Variants in ADGB observed in about 807,000 individuals in gnomAD.
ADGB encodes calpain-7-like protein.
In ADGB, 172 loss-of-function variants were observed where a neutral mutation model predicts 210.5. That is an observed-to-expected ratio of 0.82 (90% confidence interval 0.72 to 0.93). The LOEUF is 0.93. Ranked by LOEUF, ADGB falls within the 40% of genes least tolerant of loss-of-function variation. The pLI, the probability that ADGB is intolerant of heterozygous loss-of-function variation, is 0.00. For synonymous variants in ADGB, 658 were observed against 662.7 expected, an observed-to-expected ratio of 0.99 and a Z score of 0.11; for missense variants, 2,025 against 1,964.8, an observed-to-expected ratio of 1.03 and a Z score of -0.58.
chr6:146,754,753 T>A (rs143427470), intron 27 of ADGB, among the ~76,000 whole-genome samples: 1 of 152,138 alleles, frequency 6.6e-6, no homozygotes, highest in East Asian at 1.9e-4. Flanking sequence ...TTTTCTACTT[T>A]GAGGATTTGA....
intron 23 of ADGB, among the ~76,000 whole-genome samples, chr6:146,738,213 A>G (rs1020852601): frequency 2.0e-5 from 3 of 152,154 alleles, no homozygotes; most frequent in African/African-American, 7.2e-5. Flanking sequence ...TAGACAGGAA[A>G]AGTACTTAGC....
intron 1 of ADGB, among the ~76,000 whole-genome samples, chr6:146,625,395 T>G (rs1252596927): frequency 6.6e-6 from 1 of 152,154 alleles, no homozygotes; most frequent in Non-Finnish European, 1.5e-5. Flanking sequence ...AGTGTTAACA[T>G]GGCATATATT....
At chr6:146,640,035 AAAG>A (rs1775484222) in intron 2 of ADGB, among the ~76,000 whole-genome samples, 1 of 151,976 alleles carries the variant, frequency 6.6e-6, no homozygotes, top group Non-Finnish European at 1.5e-5. Context: ...CAAAGAAAAG[AAAG>A]AATATCCAAA....
intron 20 of ADGB, among the ~76,000 whole-genome samples, chr6:146,729,503 A>G (rs1231905331): frequency 6.6e-6 from 1 of 152,114 alleles, no homozygotes; most frequent in Non-Finnish European, 1.5e-5. Context: ...CAGCATGATC[A>G]TAGGTCATTG....
At chr6:146,657,432 A>G (rs1427626507) in intron 5 of ADGB, among the ~76,000 whole-genome samples, 14 of 152,168 alleles carry the variant, frequency 9.2e-5, no homozygotes, top group Non-Finnish European at 4.4e-5. Flanking sequence ...TTTATAGGAT[A>G]TCAATTGTGT....
intron 1 of ADGB, among the ~76,000 whole-genome samples, chr6:146,601,961 T>C (rs909148253): frequency 1.3e-5 from 2 of 152,220 alleles, no homozygotes; most frequent in Non-Finnish European, 2.9e-5. Flanking sequence ...TGATCTGCTA[T>C]TGGCAAAGTT....
intron 1 of ADGB, among the ~76,000 whole-genome samples, chr6:146,613,273 TA>T (rs1780739372): frequency 6.6e-6 from 1 of 152,252 alleles, no homozygotes; most frequent in South Asian, 2.1e-4. Context: ...TGACTTTAAC[TA>T]TTTTAATTTA....
intron 34 of ADGB, 40 bp downstream of exon 34, chr6:146,801,319 G>A: frequency 8.4e-7 from 1 of 1,196,904 alleles, no homozygotes; most frequent in Non-Finnish European, 1.1e-6. Flanking sequence ...ACAACTGTGT[G>A]TTTTGTTAAA....
At chr6:146,733,276 T>C in intron 21 of ADGB, 21 bp downstream of exon 21, 2 of 1,393,648 alleles carry the variant, frequency 1.4e-6, no homozygotes, top group Non-Finnish European at 1.9e-6. Context: ...ATTGTATATA[T>C]TTAATCAAGG....
intron 29 of ADGB, among the ~76,000 whole-genome samples, chr6:146,780,759 A>G (rs1777786702): frequency 6.6e-6 from 1 of 152,188 alleles, no homozygotes. Context: ...GGAAACTTTA[A>G]TACCCCAATT....
At chr6:146,711,694 A>T (rs1384360234) in intron 13 of ADGB, among the ~76,000 whole-genome samples, 1 of 152,114 alleles carries the variant, frequency 6.6e-6, no homozygotes, top group East Asian at 1.9e-4. Flanking sequence ...GGTCTTATTT[A>T]ATCCTTTGTC....
At chr6:146,771,341 T>C (rs1335083463) in intron 29 of ADGB, among the ~76,000 whole-genome samples, 1 of 152,068 alleles carries the variant, frequency 6.6e-6, no homozygotes, top group Admixed American at 6.6e-5. Context: ...ATTTTGCAGT[T>C]GACCACCCAC....
intron 29 of ADGB, among the ~76,000 whole-genome samples, chr6:146,771,549 GC>G (rs1415471402): frequency 1.3e-5 from 2 of 151,936 alleles, no homozygotes; most frequent in Non-Finnish European, 1.5e-5. Flanking sequence ...CTCATACCGT[GC>G]CCCCGCCCCT....
chr6:146,808,739 C>A (rs1017483021), intron 35 of ADGB, among the ~76,000 whole-genome samples: 55 of 152,164 alleles, frequency 3.6e-4, no homozygotes, highest in African/African-American at 1.3e-3. Flanking sequence ...CCTGTCCAGG[C>A]TGGGATGCAG....
chr6:146,812,725 T>C (rs1035280105), intron 35 of ADGB, among the ~76,000 whole-genome samples: 1 of 152,234 alleles, frequency 6.6e-6, no homozygotes, highest in African/African-American at 2.4e-5. Context: ...TTTTAGGTGC[T>C]AGATTTGGAT....
chr6:146,746,989 T>G (rs1011959272), intron 26 of ADGB, among the ~76,000 whole-genome samples: 1 of 152,234 alleles, frequency 6.6e-6, no homozygotes, highest in African/African-American at 2.4e-5. Flanking sequence ...GCTTAAACCT[T>G]CAAATATAAT....
intron 12 of ADGB, among the ~76,000 whole-genome samples, chr6:146,698,640 C>A (rs191853773): frequency 6.6e-6 from 1 of 152,128 alleles, no homozygotes; most frequent in African/African-American, 2.4e-5. Context: ...TCAAGCCATG[C>A]GGGACAGCTT....
At chr6:146,624,291 C>G (rs1156376503) in intron 1 of ADGB, among the ~76,000 whole-genome samples, 1 of 151,708 alleles carries the variant, frequency 6.6e-6, no homozygotes, top group Non-Finnish European at 1.5e-5. Context: ...CAATTTATTT[C>G]TTCTTTAGTG....
intron 11 of ADGB, among the ~76,000 whole-genome samples, 154 bp downstream of exon 11, chr6:146,691,444 A>ATATAT (rs1562275559): frequency 4.7e-5 from 1 of 21,280 alleles, no homozygotes; most frequent in Non-Finnish European, 7.0e-5. Context: ...ATATATATAA[A>ATATAT]AATATATATA....
Sources: allele counts gnomAD v4.1 joint callset (sites outside exome capture counted in the v4.1 genomes callset), GRCh38; gene constraint gnomAD v4.1.1; transcripts MANE v1.5; gene names NCBI Gene and HGNC (gene_info 2026-07-23, HGNC 2026-07-21).